The following USH2A variants were observed in gnomAD, a reference collection of about 807,000 sequenced individuals.
USH2A encodes usherin.
In USH2A, 443 loss-of-function variants were observed where a neutral mutation model predicts 538.9. The observed-to-expected ratio is 0.82, with a 90% confidence interval of 0.76 to 0.89. The LOEUF (loss-of-function observed/expected upper bound fraction) is 0.89. Among genes scored for constraint, USH2A ranks in the 40% least tolerant of loss-of-function variants. The pLI is 0.00. For synonymous variants in USH2A, 2,413 were observed against 2,273.5 expected, an observed-to-expected ratio of 1.06 and a Z score of -1.75; for missense variants, 6,633 against 6,324.8, an observed-to-expected ratio of 1.05 and a Z score of -1.65.
Position 215,773,484 on chromosome 1 carries a change from G to GTCTCTCTC in USH2A, c.10939+6358_10939+6359insGAGAGAGA, listed in dbSNP as rs756571165. 5.3e-4 allele frequency among the ~76,000 whole-genome samples: 60 copies of GTCTCTCTC among 112,242 alleles called. 1 individual carries two copies. Among genetic ancestry groups the GTCTCTCTC allele is most frequent in the East Asian group, 2.0e-3 (6 of 3,048 alleles). 73.6% of individuals were successfully genotyped at this position (112,242 alleles called of 152,430 possible). A position where few individuals can be genotyped will look rare whatever the true frequency, so the allele number is the denominator to read the frequency against. On this transcript the variant is annotated intron_variant, in intron 55 of 71. Transcript: ENST00000307340. The stretch of plus-strand genomic sequence containing the variant: ...CTCCCCACTTTACGGATGTCTCTCT[G>GTCTCTCTC]TCTCTCTGTCTCTCTCTCTCTCTCT...
intron 4 of USH2A, among the ~76,000 whole-genome samples, chr1:216,335,401 A>T (rs2037949594): frequency 6.6e-6 from 1 of 151,458 alleles, no homozygotes; most frequent in Admixed American, 6.6e-5. Context: ...AACAAACTCA[A>T]CCTAAAGCTA....
rs1052862292 is a variant in USH2A, at chr1:215,713,445, AT to A, written c.12066+14584del. Among the ~76,000 whole-genome samples, 1,059 of 150,970 alleles carry A rather than the reference AT, an allele frequency of 7.0e-3. 14 individuals carry two copies. The highest frequency in any genetic ancestry group is 0.024 in the African/African-American group (970 of 41,232). On this transcript the variant is annotated intron_variant, in intron 61 of 71. Transcript: ENST00000307340. ...CTAGGCATCTCTTGGGAGTATTTTG[AT>A]TTTTTTTTTAAATCAGTTGTTTTAA...
chr1:215,851,454 C>A (rs535988354), intron 44 of USH2A, among the ~76,000 whole-genome samples: 1 of 151,954 alleles, frequency 6.6e-6, no homozygotes, highest in South Asian at 2.1e-4. Context: ...CCTAGATAAA[C>A]TCCTGGAAAT....
At chr1:216,325,749 CTT>C in intron 5 of USH2A, 150 bp from the exon 6 acceptor site, 2 of 775,810 alleles carry the variant, frequency 2.6e-6, no homozygotes, top group East Asian at 5.5e-5. Context: ...TAAAATAAAA[CTT>C]ATTTTTGGCC....
chr1:216,231,740 G>A (rs2035698783), intron 14 of USH2A, among the ~76,000 whole-genome samples: 1 of 151,890 alleles, frequency 6.6e-6, no homozygotes, highest in South Asian at 2.1e-4. Flanking sequence ...TAAAGACGGG[G>A]TTTCACCGTG....
At chr1:216,321,276 T>TG (rs1247717612) in intron 9 of USH2A, among the ~76,000 whole-genome samples, 1 of 152,178 alleles carries the variant, frequency 6.6e-6, no homozygotes, top group African/African-American at 2.4e-5. Context: ...TACCAACGAA[T>TG]GTTTCTTGAT....
chr1:216,331,715 T>C (rs2037866667), intron 4 of USH2A, among the ~76,000 whole-genome samples: 1 of 152,102 alleles, frequency 6.6e-6, no homozygotes, highest in Non-Finnish European at 1.5e-5. Flanking sequence ...GATTAACCAA[T>C]GGAAATTAAA....
chr1:216,017,280 T>C (rs1362095219), intron 32 of USH2A, among the ~76,000 whole-genome samples: 1 of 152,046 alleles, frequency 6.6e-6, no homozygotes, highest in Admixed American at 6.6e-5. Context: ...AACATCCTAC[T>C]GACTCCCCTA....
chr1:215,658,615 T>A (rs1199080597), intron 64 of USH2A, among the ~76,000 whole-genome samples: 2 of 152,212 alleles, frequency 1.3e-5, no homozygotes, highest in African/African-American at 4.8e-5. Flanking sequence ...GTTGCTGTCC[T>A]GGGCTTTTCA....
intron 15 of USH2A, among the ~76,000 whole-genome samples, chr1:216,213,787 A>T (rs1170218275): frequency 1.3e-5 from 2 of 152,070 alleles, no homozygotes; most frequent in East Asian, 1.9e-4. Context: ...CCAATAAAAA[A>T]AATGAAAAAC....
At position 215,808,970 on chromosome 1, in the gene USH2A, T is replaced by A. The variant is rs926939678; in HGVS notation, c.9739+4766A>T. Among the ~76,000 whole-genome samples the A allele has an allele frequency of 2.6e-5, 4 of 152,064 alleles. No homozygotes were observed. In the East Asian group the frequency reaches 5.8e-4, roughly 22 times the overall value. Reference sequence around the variant, plus strand: ...TTTCTCAAAATATGAATTTCTAGAATTCAGGAGACAGTTGGCTTAGTCAAT... The same window carrying A: ...TTTCTCAAAATATGAATTTCTAGAAATCAGGAGACAGTTGGCTTAGTCAAT... On this transcript the variant is annotated intron_variant, in intron 49 of 71. Transcript: ENST00000307340.
intron 61 of USH2A, among the ~76,000 whole-genome samples, chr1:215,721,532 T>C (rs1659659374): frequency 6.6e-6 from 1 of 152,148 alleles, no homozygotes; most frequent in South Asian, 2.1e-4. Context: ...GATAAAGTGG[T>C]TGGAGAAAAA....
chr1:215,675,649 G>T, intron 62 of USH2A, 33 bp from the exon 63 acceptor site: 1 of 1,613,912 alleles, frequency 6.2e-7, no homozygotes, highest in Admixed American at 1.7e-5. Context: ...GGGATAACTT[G>T]CAGCATACAA....
intron 38 of USH2A, among the ~76,000 whole-genome samples, chr1:215,932,869 T>C (rs779478175): frequency 8.5e-5 from 13 of 152,050 alleles, no homozygotes; most frequent in Non-Finnish European, 1.8e-4. Flanking sequence ...AGTTTCTTTC[T>C]ATTTGTATAA....
intron 11 of USH2A, among the ~76,000 whole-genome samples, chr1:216,278,271 A>G (rs1201362139): frequency 2.0e-5 from 3 of 152,180 alleles, no homozygotes; most frequent in Admixed American, 6.6e-5. Flanking sequence ...GGAACTCAAC[A>G]TAAACTGGAG....
Position 215,888,437 on chromosome 1 carries a change from C to G in USH2A, c.8212G>C (p.Asp2738His). The G allele has an allele frequency of 6.2e-7, 1 of 1,613,196 alleles. No homozygotes were observed. The highest frequency in any genetic ancestry group is 1.9e-4 in the Middle Eastern group (1 of 5,272). Residue 2738 changes from aspartate (D) to histidine (H), a missense_variant, in exon 41 of 72, where the codon GAT becomes CAT. Transcript: ENST00000307340. ...AGTCAGTATCTTACCTGGACTGCAT[C>G]GGGTTCCAGCACTGTCACCACAGGT... The part of the protein sequence containing the change: ...QPPVVTVLEP[D>H]AVQVTWKPPL...
At chr1:216,283,337 G>C (rs749842651) in intron 11 of USH2A, among the ~76,000 whole-genome samples, 2 of 152,070 alleles carry the variant, frequency 1.3e-5, no homozygotes, top group African/African-American at 4.8e-5. Flanking sequence ...TGATCCACCC[G>C]CCTCGGCTTC....
chr1:216,307,400 G>A (rs998231605), intron 9 of USH2A, among the ~76,000 whole-genome samples: 2 of 152,260 alleles, frequency 1.3e-5, no homozygotes, highest in East Asian at 1.9e-4. Flanking sequence ...CAAAAGGCCA[G>A]TCTCACTCCC....
chr1:216,327,051 G>C (rs1198274890), intron 5 of USH2A, among the ~76,000 whole-genome samples: 1 of 152,110 alleles, frequency 6.6e-6, no homozygotes, highest in Non-Finnish European at 1.5e-5. Flanking sequence ...TGTCATTAAA[G>C]CTAGCCTGAG....
Sources: allele counts gnomAD v4.1 joint callset (sites outside exome capture counted in the v4.1 genomes callset), GRCh38; gene constraint gnomAD v4.1.1; transcripts MANE v1.5; gene names NCBI Gene and HGNC (gene_info 2026-07-23, HGNC 2026-07-21).